SVOP: variants seen among roughly 807,000 people sequenced by gnomAD.
SVOP encodes SV2 related protein.
Under a neutral mutation model 69.1 loss-of-function variants are expected in SVOP, and 17 were observed. That is an observed-to-expected ratio of 0.25 (90% CI 0.17 to 0.37). The LOEUF (loss-of-function observed/expected upper bound fraction) is 0.37. SVOP is among the 10% of genes least tolerant of loss of function. The probability of loss-of-function intolerance (pLI) is 1.00; values close to 1 mark genes in which losing one functional copy is unlikely to be tolerated. For missense variants in SVOP, 435 were observed against 597.5 expected (o/e 0.73, Z 2.84); for synonymous variants, 238 against 238.6 (o/e 1.00, Z 0.02).
At chr12:108,942,942 T>A (rs144174954) in intron 7 of SVOP, among the ~76,000 whole-genome samples, 128,195 of 151,910 alleles carry the variant, frequency 0.84, 54,239 homozygotes, top group East Asian at 0.96. Flanking sequence ...TTTTTTTTGT[T>A]GAGATGGAGT....
At chr12:108,925,792 C>A (rs2137394219) in intron 11 of SVOP, among the ~76,000 whole-genome samples, 1 of 152,248 alleles carries the variant, frequency 6.6e-6, no homozygotes, top group East Asian at 1.9e-4. Context: ...TGCCCTTTAT[C>A]CCTCCCCATG....
Position 109,021,016 on chromosome 12 carries a change from G to A in SVOP, c.-148C>T, listed in dbSNP as rs2135639540. The stretch of plus-strand genomic sequence containing the variant: ...GCAGCTGTTCGGGGAGGGAGCCGCT[G>A]GGGACCAGCCCACGAGACAAAGCCT... On this transcript the variant is annotated 5_prime_UTR_variant, in exon 1 of 16. Transcript: ENST00000610966. 1.7e-6 allele frequency: 1 copy of A among 575,870 alleles called. No homozygotes were observed. The highest frequency in any genetic ancestry group is 3.1e-6 in the Non-Finnish European group (1 of 319,500). The allele number at this position is 575,870 out of a possible 1,614,324, so 35.7% of individuals were successfully genotyped here.
intron 14 of SVOP, among the ~76,000 whole-genome samples, chr12:108,916,857 C>T (rs1299507250): frequency 2.0e-5 from 3 of 152,366 alleles, no homozygotes; most frequent in South Asian, 2.1e-4. Context: ...GATCCTCCCA[C>T]CTCAGCCCCA....
intron 7 of SVOP, among the ~76,000 whole-genome samples, chr12:108,943,190 C>A (rs1255447390): frequency 6.6e-6 from 1 of 152,146 alleles, no homozygotes; most frequent in Non-Finnish European, 1.5e-5. Context: ...CTGGAGCCCC[C>A]AAGAACCTTC....
intron 13 of SVOP, among the ~76,000 whole-genome samples, 175 bp downstream of exon 13, chr12:108,919,500 T>C (rs897959998): frequency 2.9e-4 from 44 of 151,176 alleles, no homozygotes; most frequent in Non-Finnish European, 4.9e-4. Flanking sequence ...CACCAACACA[T>C]GCACTCACAC....
chr12:108,985,608 G>A (rs1162446861), intron 1 of SVOP, among the ~76,000 whole-genome samples: 2 of 152,104 alleles, frequency 1.3e-5, no homozygotes, highest in African/African-American at 4.8e-5. Flanking sequence ...GGAGGTGGAG[G>A]TTGCAGTGAG....
chr12:109,016,433 G>C (rs1202518559), intron 1 of SVOP, among the ~76,000 whole-genome samples: 1 of 152,160 alleles, frequency 6.6e-6, no homozygotes, highest in African/African-American at 2.4e-5. Context: ...AATGCAGGAT[G>C]ATGTCCCAAC....
intron 11 of SVOP, among the ~76,000 whole-genome samples, chr12:108,931,190 T>C (rs1214738012): frequency 6.6e-6 from 1 of 152,154 alleles, no homozygotes; most frequent in Non-Finnish European, 1.5e-5. Flanking sequence ...GAGATGGGAC[T>C]CCACTACCTC....
chr12:108,982,876 C>T (rs2040147738), intron 2 of SVOP, among the ~76,000 whole-genome samples: 6 of 140,634 alleles, frequency 4.3e-5, no homozygotes, highest in Non-Finnish European at 6.1e-5. Flanking sequence ...TCATCATCAT[C>T]ACTATCATCA....
chr12:108,917,998 C>T (rs1358231746), intron 14 of SVOP, 45 bp downstream of exon 14: 5 of 1,455,340 alleles, frequency 3.4e-6, no homozygotes, highest in African/African-American at 1.4e-5. Flanking sequence ...CAGCCACTCT[C>T]CCCCCACTGC....
chr12:108,960,959 C>T lies in SVOP; in HGVS notation c.542G>A (p.Gly181Asp). 1 of 1,537,098 alleles carries T rather than the reference C, an allele frequency of 6.5e-7. No homozygotes were observed. Among genetic ancestry groups the T allele is most frequent in the East Asian group, 2.4e-5 (1 of 40,900 alleles). Residue 181 changes from glycine to aspartate, a missense_variant, in exon 6 of 16, where the codon GGC becomes GAC. Transcript: ENST00000610966. ...TCCTCCGATCCCGAAGCCCACCAGGCCCCGGAGCACCAGGATCCAGCTATA... is the reference window on the plus strand; with the variant it reads ...TCCTCCGATCCCGAAGCCCACCAGGTCCCGGAGCACCAGGATCCAGCTATA... ...PVYSWILVLR[G>D]LVGFGIGGVP...
At chr12:108,921,981 A>C (rs2137391059) in intron 12 of SVOP, among the ~76,000 whole-genome samples, 1 of 152,310 alleles carries the variant, frequency 6.6e-6, no homozygotes, top group African/African-American at 2.4e-5. Flanking sequence ...AAAAAGATAG[A>C]TCACCTTTGC....
chr12:108,980,143 A>G (rs1211297984), intron 2 of SVOP, among the ~76,000 whole-genome samples: 1 of 152,166 alleles, frequency 6.6e-6, no homozygotes, highest in African/African-American at 2.4e-5. Context: ...ATGCCACTGC[A>G]CTCCAGCCTG....
intron 1 of SVOP, among the ~76,000 whole-genome samples, chr12:108,990,693 AAAAAT>A (rs2040195010): frequency 1.5e-4 from 1 of 6,682 alleles, no homozygotes; most frequent in East Asian, 6.3e-3. Context: ...AACAAAACAG[AAAAAT>A]AAATAAATAA....
chr12:109,018,379 T>C (rs1361697584), intron 1 of SVOP, among the ~76,000 whole-genome samples: 1 of 152,154 alleles, frequency 6.6e-6, no homozygotes, highest in Admixed American at 6.6e-5. Flanking sequence ...GAGGAAGGAC[T>C]GTTTCTTAGA....
chr12:108,994,499 A>G (rs1213761140), intron 1 of SVOP, among the ~76,000 whole-genome samples: 1 of 152,214 alleles, frequency 6.6e-6, no homozygotes, highest in Non-Finnish European at 1.5e-5. Context: ...TCAAAAAATA[A>G]TAAGAATAAA....
intron 5 of SVOP, 140 bp from the exon 6 acceptor site, chr12:108,961,187 G>C (rs2040016068): frequency 9.3e-7 from 1 of 1,077,214 alleles, no homozygotes; most frequent in African/African-American, 1.6e-5. Flanking sequence ...TCCTCTGTAT[G>C]GGGAGTGCCA....
Position 108,978,605 on chromosome 12 carries a change from C to T in SVOP, c.255G>A (p.Lys85=), listed in dbSNP as rs1376461888. 3 of 704,030 alleles carry T rather than the reference C, an allele frequency of 4.3e-6. No homozygotes were observed. In the Admixed American group the frequency reaches 6.0e-5, roughly 14 times the overall value. 43.6% of individuals were successfully genotyped at this position (704,030 alleles called of 1,614,324 possible). ...EAIGFGKFQW[K]LSVLTGLAWM... is the part of the protein sequence containing the mutation. Reference sequence around the variant, plus strand: ...AAGCCAAGCCAGTGAGAACAGACAGCTTCCACTGAAATTTTCCAAAGCCAA... The same window carrying T: ...AAGCCAAGCCAGTGAGAACAGACAGTTTCCACTGAAATTTTCCAAAGCCAA... The change falls in exon 3 of 16, where the codon AAG becomes AAA. Residue 85 remains lysine (K), a synonymous_variant. Transcript: ENST00000610966.
At chr12:108,913,582 G>T (rs1426969793) in intron 15 of SVOP, among the ~76,000 whole-genome samples, 2 of 152,130 alleles carry the variant, frequency 1.3e-5, no homozygotes, top group Non-Finnish European at 2.9e-5. Flanking sequence ...CTCTCCTCTG[G>T]AACAGTGCAG....
Sources: gnomAD v4.1 joint callset for allele counts (sites outside exome capture counted in the v4.1 genomes callset) on GRCh38, gnomAD v4.1.1 for gene constraint, MANE v1.5 for transcripts, NCBI Gene and HGNC (gene_info 2026-07-23, HGNC 2026-07-21) for gene names.